The following STYK1 variants were observed in gnomAD, a reference collection of about 807,000 sequenced individuals.
STYK1 encodes the protein tyrosine-protein kinase STYK1.
Under a neutral mutation model 48.1 loss-of-function variants are expected in STYK1, and 46 were observed. The observed-to-expected ratio is 0.96, with a 90% CI of 0.75 to 1.22. STYK1 has a LOEUF of 1.22. Ranked by LOEUF, STYK1 falls within the 50% of genes most tolerant of loss-of-function variation. STYK1 has a pLI of 0.00. For missense variants in STYK1, 527 were observed against 521.1 expected (o/e 1.01, Z -0.11); for synonymous variants, 188 against 189.0 (o/e 0.99, Z 0.04).
chr12:10,655,111 A>G (rs1947703756), intron 1 of STYK1, among the ~76,000 whole-genome samples: 1 of 152,214 alleles, frequency 6.6e-6, no homozygotes, highest in Non-Finnish European at 1.5e-5. Context: ...TCATGAGGCT[A>G]GTCTTAATGC....
rs777815069 is a variant in STYK1, at chr12:10,656,633, C to CA, written c.-195+17332dup. 1.5e-4 allele frequency among the ~76,000 whole-genome samples: 23 copies of CA among 151,732 alleles called. 1 individual carries two copies. Among genetic ancestry groups the CA allele is most frequent in the Non-Finnish European group, 2.4e-4 (16 of 67,898 alleles). On this transcript the variant is annotated intron_variant, in intron 1 of 10. Transcript: ENST00000075503. ...GAGTGAGACTCCATCTCAAAAAAAA[C>CA]AAAAAACAAAAAACAAAAAAACAAG...
rs534833582 is a variant in STYK1, at chr12:10,651,349, C to T, written c.-194-14153G>A. On this transcript the variant is annotated intron_variant, in intron 1 of 10. Transcript: ENST00000075503. Reference sequence around the variant, plus strand: ...CAAGTCTCAGAAGCATAGCCCAGCCCGTTTCTGAAATCCAGTATACCCACC... The same window carrying T: ...CAAGTCTCAGAAGCATAGCCCAGCCTGTTTCTGAAATCCAGTATACCCACC... Among the ~76,000 whole-genome samples, 88 of 152,208 alleles carry T rather than the reference C, an allele frequency of 5.8e-4. No homozygotes were observed. In the South Asian group the frequency reaches 0.013, roughly 22 times the overall value.
At chr12:10,660,261 T>C (rs1344602679) in intron 1 of STYK1, among the ~76,000 whole-genome samples, 3 of 152,228 alleles carry the variant, frequency 2.0e-5, no homozygotes, top group African/African-American at 7.2e-5. Context: ...CTTCCAGATA[T>C]TACCTTTTGT....
At chr12:10,637,482 C>T (rs1947499242) in intron 1 of STYK1, among the ~76,000 whole-genome samples, 1 of 151,940 alleles carries the variant, frequency 6.6e-6, no homozygotes, top group African/African-American at 2.4e-5. Flanking sequence ...GGACTACAGG[C>T]ACCCACCACC....
intron 3 of STYK1, among the ~76,000 whole-genome samples, chr12:10,634,341 C>A (rs77456100): frequency 6.6e-6 from 1 of 152,136 alleles, no homozygotes; most frequent in Non-Finnish European, 1.5e-5. Context: ...ATGTGCATGA[C>A]GTTGCTTCTG....
chr12:10,662,296 T>A (rs934739909), intron 1 of STYK1, among the ~76,000 whole-genome samples: 1 of 152,240 alleles, frequency 6.6e-6, no homozygotes, highest in African/African-American at 2.4e-5. Context: ...AGTTTTCACT[T>A]TTTCACATTT....
intron 2 of STYK1, among the ~76,000 whole-genome samples, chr12:10,635,548 C>T (rs544838130): frequency 6.6e-6 from 1 of 152,254 alleles, no homozygotes; most frequent in East Asian, 1.9e-4. Flanking sequence ...AGTATCAGTA[C>T]CAAGCCACCT....
chr12:10,631,456 G>T, intron 4 of STYK1, 148 bp from the exon 5 acceptor site: 4 of 999,348 alleles, frequency 4.0e-6, no homozygotes, highest in Non-Finnish European at 5.7e-6. Context: ...CTATAAACCA[G>T]CATCAATGTC....
intron 1 of STYK1, among the ~76,000 whole-genome samples, chr12:10,669,606 G>T: frequency 6.6e-6 from 1 of 151,852 alleles, no homozygotes; most frequent in East Asian, 1.9e-4. Flanking sequence ...AAAAGCACAG[G>T]CAACAAAAGC....
chr12:10,634,073 G>C lies in STYK1; in HGVS notation c.104C>G (p.Thr35Ser). ...GACCCCAAGAAGGATGAGGAAGATA[G>C]TAACCAACAAAGTTGGGACGATAAT... ...EVIIVPTLLV[T>S]IFLILLGVIL... is the part of the protein sequence containing the mutation. Residue 35 changes from threonine to serine, a missense_variant, in exon 4 of 11, where the codon ACT becomes AGT. Physicochemically the swap from Thr to Ser is moderately conservative, Grantham distance 58. Coordinates refer to ENST00000075503, the MANE Select transcript of STYK1 (RefSeq NM_018423.3). 1 of 1,614,162 alleles carries C rather than the reference G, an allele frequency of 6.2e-7. No homozygotes were observed. The highest frequency in any genetic ancestry group is 8.5e-7 in the Non-Finnish European group (1 of 1,180,020).
chr12:10,624,805 G>C lies in STYK1; in HGVS notation c.772C>G (p.Leu258Val). ...TTAGCAGTGAGATCACTTTGCATCA[G>C]AATATTCCTGGCTGCCACATCCCCA... is the stretch of plus-strand genomic sequence containing the variant. ...FHGDVAARNI[L>V]MQSDLTAKLC... The change falls in exon 8 of 11, where the codon CTG becomes GTG. Residue 258 changes from leucine to valine, a missense_variant. Transcript: ENST00000075503. 6.2e-7 allele frequency: 1 copy of C among 1,614,144 alleles called. No individual in the cohort carries two copies. The highest frequency in any genetic ancestry group is 2.2e-5 in the East Asian group (1 of 44,862).
chr12:10,620,938 A>G (rs1488974506), intron 10 of STYK1, among the ~76,000 whole-genome samples: 1 of 151,680 alleles, frequency 6.6e-6, no homozygotes, highest in East Asian at 1.9e-4. Flanking sequence ...ACACATAGAA[A>G]TGTTTGTCAT....
intron 7 of STYK1, among the ~76,000 whole-genome samples, chr12:10,627,039 A>C (rs1947367232): frequency 6.6e-6 from 1 of 152,190 alleles, no homozygotes; most frequent in Non-Finnish European, 1.5e-5. Flanking sequence ...CAAATATTTA[A>C]GTTGTTTTAA....
At chr12:10,649,514 G>A (rs1264318179) in intron 1 of STYK1, among the ~76,000 whole-genome samples, 3 of 152,138 alleles carry the variant, frequency 2.0e-5, no homozygotes, top group Non-Finnish European at 4.4e-5. Context: ...GAAATTGACT[G>A]GGAAAAACAC....
intron 1 of STYK1, among the ~76,000 whole-genome samples, chr12:10,642,643 T>A (rs1409375517): frequency 2.6e-5 from 4 of 152,218 alleles, no homozygotes; most frequent in Admixed American, 2.6e-4. Context: ...CATGTAAGTA[T>A]ACTCTATGCA....
At chr12:10,642,616 T>C (rs957598237) in intron 1 of STYK1, among the ~76,000 whole-genome samples, 1 of 152,196 alleles carries the variant, frequency 6.6e-6, no homozygotes, top group Non-Finnish European at 1.5e-5. Flanking sequence ...TTTATCTAAA[T>C]ATTTATAATA....
chr12:10,623,688 G>A (rs1466074064), intron 8 of STYK1, among the ~76,000 whole-genome samples: 1 of 152,148 alleles, frequency 6.6e-6, no homozygotes, highest in African/African-American at 2.4e-5. Flanking sequence ...CAAATTGTGT[G>A]AGGGAGACAA....
chr12:10,643,953 G>A (rs1179621628), intron 1 of STYK1, among the ~76,000 whole-genome samples: 1 of 122,268 alleles, frequency 8.2e-6, no homozygotes, highest in Non-Finnish European at 1.7e-5. Context: ...AGAGTGACAT[G>A]GTCCATTTTG....
At chr12:10,639,365 C>T (rs939576689) in intron 1 of STYK1, among the ~76,000 whole-genome samples, 1 of 151,600 alleles carries the variant, frequency 6.6e-6, no homozygotes, top group African/African-American at 2.4e-5. Context: ...GAAGGCAAGG[C>T]AGAAACTGAG....
Sources: allele counts gnomAD v4.1 joint callset (sites outside exome capture counted in the v4.1 genomes callset), GRCh38; gene constraint gnomAD v4.1.1; transcripts MANE v1.5; gene names NCBI Gene and HGNC (gene_info 2026-07-23, HGNC 2026-07-21).